Variants in KEAP1 observed in about 807,000 individuals in gnomAD.
KEAP1 encodes kelch-like ECH-associated protein 1.
Under a neutral mutation model 59.7 loss-of-function variants are expected in KEAP1, and 26 were observed. The ratio of observed to expected loss-of-function variants is 0.44; its 90% CI spans 0.32 to 0.60. The LOEUF (loss-of-function observed/expected upper bound fraction) is 0.60, where lower values mean the gene tolerates loss of function less well. KEAP1 is among the 20% of genes least tolerant of loss of function. The pLI is 0.06. For missense variants in KEAP1, 539 were observed against 871.4 expected (o/e 0.62, Z 4.80); for synonymous variants, 350 against 358.3 (o/e 0.98, Z 0.26).
intron 5 of KEAP1, among the ~76,000 whole-genome samples, chr19:10,487,245 CT>C (rs1914495582): frequency 6.6e-6 from 1 of 152,164 alleles, no homozygotes; most frequent in South Asian, 2.1e-4. Context: ...ATTAGGGAGG[CT>C]GAGGTGGGGA....
intron 2 of KEAP1, 87 bp from the exon 3 acceptor site, chr19:10,492,349 C>T (rs1163935371): frequency 5.3e-6 from 5 of 938,040 alleles, no homozygotes; most frequent in African/African-American, 4.9e-5. Flanking sequence ...CTTATCACTG[C>T]CGCTGACAGT....
chr19:10,494,492 G>A lies in KEAP1; in HGVS notation c.640-2230C>T, dbSNP rs146302177. On this transcript the variant is annotated intron_variant, in intron 2 of 5. Transcript: ENST00000171111. ...ACTACAGGCGCCCACCACCACACCCGGCTAATTTTTGTTTTTGTATTTTTA... is the reference window on the plus strand; with the variant it reads ...ACTACAGGCGCCCACCACCACACCCAGCTAATTTTTGTTTTTGTATTTTTA... 2.1e-3 allele frequency among the ~76,000 whole-genome samples: 317 copies of A among 149,754 alleles called. 1 individual carries two copies. Among genetic ancestry groups the A allele is most frequent in the African/African-American group, 7.5e-3 (307 of 40,674 alleles).
At chr19:10,487,017 C>CA (rs1403980144) in intron 5 of KEAP1, among the ~76,000 whole-genome samples, 199 bp from the exon 6 acceptor site, 2 of 119,032 alleles carry the variant, frequency 1.7e-5, no homozygotes, top group Admixed American at 1.0e-4. Context: ...GGCAACATAG[C>CA]AAAACCTTAG....
At position 10,486,253 on chromosome 19, in the gene KEAP1, A is replaced by G. The variant is rs996483577; in HGVS notation, c.*399T>C. On this transcript the variant is annotated 3_prime_UTR_variant, in exon 6 of 6. Transcript: ENST00000171111. ...TTCTATGTACAGGCCCATCCCTGGGAACCACATTTCCAGAGGGGGCCTCCC... is the reference window on the plus strand; with the variant it reads ...TTCTATGTACAGGCCCATCCCTGGGGACCACATTTCCAGAGGGGGCCTCCC... 2.0e-5 allele frequency: 5 copies of G among 250,258 alleles called. No individual in the cohort carries two copies. Among genetic ancestry groups the G allele is most frequent in the African/African-American group, 1.1e-4 (5 of 45,586 alleles). The allele number at this position is 250,258 out of a possible 1,614,324, so 15.5% of individuals were successfully genotyped here. A position where few individuals can be genotyped will look rare whatever the true frequency, so the allele number is the denominator to read the frequency against.
At chr19:10,489,094 TAAAAAAAAAAAAAAA>T (rs33966407) in intron 5 of KEAP1, 83 bp downstream of exon 5, 13 of 425,418 alleles carry the variant, frequency 3.1e-5, no homozygotes, top group Admixed American at 2.9e-4. Context: ...ACCTTGTTTC[TAAAAAAAAAAAAAAA>T]AAAAAAAAAA....
chr19:10,498,831 GT>G (rs1914941523), intron 2 of KEAP1, among the ~76,000 whole-genome samples: 2 of 143,390 alleles, frequency 1.4e-5, no homozygotes, highest in Admixed American at 6.9e-5. Context: ...AACCCCAGTT[GT>G]TTTTTAATTT....
intron 2 of KEAP1, among the ~76,000 whole-genome samples, chr19:10,494,212 G>A (rs1914773153): frequency 6.6e-6 from 1 of 151,848 alleles, no homozygotes; most frequent in African/African-American, 2.4e-5. Flanking sequence ...AAAGTGCTGG[G>A]ATTACAGGCA....
chr19:10,495,372 G>A (rs1914817904), intron 2 of KEAP1, among the ~76,000 whole-genome samples: 1 of 152,070 alleles, frequency 6.6e-6, no homozygotes, highest in African/African-American at 2.4e-5. Flanking sequence ...GAAAAAATAA[G>A]CAATCACAAT....
At chr19:10,487,754 C>T (rs1568396140) in intron 5 of KEAP1, among the ~76,000 whole-genome samples, 1 of 151,916 alleles carries the variant, frequency 6.6e-6, no homozygotes, top group Non-Finnish European at 1.5e-5. Flanking sequence ...CCAGGACTTT[C>T]GGAGGCTGAG....
Position 10,491,151 on chromosome 19 carries a change from G to A in KEAP1, c.1325+426C>T, listed in dbSNP as rs551788543. On this transcript the variant is annotated intron_variant, in intron 3 of 5. Transcript: ENST00000171111. The surrounding 1 kb of genome is among the most constrained non-coding windows in gnomAD (Gnocchi z 5.2). ...GGAGAATCACTTGAACCTGGGAGGCGAGGTTGCAGTGACCCAAGATGCACT... is the reference window on the plus strand; with the variant it reads ...GGAGAATCACTTGAACCTGGGAGGCAAGGTTGCAGTGACCCAAGATGCACT... 1.2e-3 allele frequency among the ~76,000 whole-genome samples: 185 copies of A among 152,140 alleles called. No individual in the cohort carries two copies. Among genetic ancestry groups the A allele is most frequent in the African/African-American group, 4.1e-3 (171 of 41,528 alleles).
At position 10,499,661 on chromosome 19, in the gene KEAP1, T is replaced by A; in HGVS notation, c.373A>T (p.Ile125Phe). 6.2e-7 allele frequency: 1 copy of A among 1,614,100 alleles called. No individual in the cohort carries two copies. Among genetic ancestry groups the A allele is most frequent in the Non-Finnish European group, 8.5e-7 (1 of 1,180,028 alleles). The change falls in exon 2 of 6, where the codon ATT becomes TTT. Residue 125 changes from isoleucine to phenylalanine, a missense_variant. Physicochemically the swap from Ile to Phe is conservative, Grantham distance 21. Transcript: ENST00000171111. The surrounding 1 kb of genome is among the most constrained non-coding windows in gnomAD (Gnocchi z 6.7). The part of the protein sequence containing the change: ...LREQGMEVVS[I>F]EGIHPKVMER... ...ATGACCTTGGGGTGGATACCCTCAA[T>A]GGACACCACCTCCATGCCCTGCTCC...
intron 2 of KEAP1, among the ~76,000 whole-genome samples, chr19:10,497,307 A>C (rs1914884636): frequency 1.3e-5 from 2 of 152,122 alleles, no homozygotes; most frequent in Admixed American, 1.3e-4. Context: ...GATCAACCCC[A>C]CATGTAACAT....
intron 2 of KEAP1, among the ~76,000 whole-genome samples, chr19:10,493,299 C>A (rs1426972663): frequency 6.6e-6 from 1 of 151,824 alleles, no homozygotes; most frequent in Admixed American, 6.6e-5. Context: ...GCTGGGACTA[C>A]AGGCGCCCGC....
intron 2 of KEAP1, among the ~76,000 whole-genome samples, chr19:10,498,366 G>T (rs1914928283): frequency 6.6e-6 from 1 of 151,548 alleles, no homozygotes; most frequent in African/African-American, 2.4e-5. Context: ...CACCCGGCTA[G>T]TTTTCTTTTT....
chr19:10,494,871 G>A (rs1914799932), intron 2 of KEAP1, among the ~76,000 whole-genome samples: 1 of 147,450 alleles, frequency 6.8e-6, no homozygotes, highest in South Asian at 2.1e-4. Context: ...AGCTAGGATG[G>A]TCTCGATCTC....
chr19:10,502,005 G>C lies in KEAP1; in HGVS notation c.-48+1236C>G, dbSNP rs1915060237. Among the ~76,000 whole-genome samples, 1 of 152,156 alleles carries C rather than the reference G, an allele frequency of 6.6e-6. No homozygotes were observed. Among genetic ancestry groups the C allele is most frequent in the Admixed American group, 6.6e-5 (1 of 15,262 alleles). On this transcript the variant is annotated intron_variant, in intron 1 of 5. Coordinates refer to ENST00000171111, the MANE Select transcript of KEAP1 (RefSeq NM_203500.2). This position sits in a 1 kb window ranked among gnomAD's most constrained non-coding sequence, Gnocchi z 4.0. Reference sequence around the variant, plus strand: ...GTCAGGAACTGAAATGACCTCCTTTGCTTGTCTGTTGATCGACTGTCTCTC... The same window carrying C: ...GTCAGGAACTGAAATGACCTCCTTTCCTTGTCTGTTGATCGACTGTCTCTC...
intron 1 of KEAP1, among the ~76,000 whole-genome samples, chr19:10,501,586 C>T (rs1403132534): frequency 6.6e-6 from 1 of 152,032 alleles, no homozygotes; most frequent in Non-Finnish European, 1.5e-5. Flanking sequence ...GCCGAGATCG[C>T]ACCACTGCAT....
chr19:10,496,233 C>T (rs1914843197), intron 2 of KEAP1, among the ~76,000 whole-genome samples: 1 of 150,196 alleles, frequency 6.7e-6, no homozygotes, highest in South Asian at 2.1e-4. Flanking sequence ...CGGTGGCTCA[C>T]ACACGTAATC....
chr19:10,491,523 G>C lies in KEAP1; in HGVS notation c.1325+54C>G, dbSNP rs879842379. 1.6e-5 allele frequency: 23 copies of C among 1,412,924 alleles called. No individual in the cohort carries two copies. Among genetic ancestry groups the C allele is most frequent in the Admixed American group, 2.5e-5 (1 of 39,306 alleles). 87.5% of individuals were successfully genotyped at this position (1,412,924 alleles called of 1,614,324 possible). A position where few individuals can be genotyped will look rare whatever the true frequency, so the allele number is the denominator to read the frequency against. ...AAGAATACCCGGATCTCAGTGTCTT[G>C]GGACTTGCCAGGAGCAGGACCCTCC... is the stretch of plus-strand genomic sequence containing the variant. On this transcript the variant is annotated intron_variant, in intron 3 of 5. Transcript: ENST00000171111. The surrounding 1 kb of genome is among the most constrained non-coding windows in gnomAD (Gnocchi z 5.2).
Sources: gnomAD v4.1 joint callset for allele counts (sites outside exome capture counted in the v4.1 genomes callset) on GRCh38, gnomAD v4.1.1 for gene constraint, Gnocchi (gnomAD v3.1) non-coding constraint, MANE v1.5 for transcripts, NCBI Gene and HGNC (gene_info 2026-07-23, HGNC 2026-07-21) for gene names.